Variants in ADGRB3 observed in about 807,000 individuals in gnomAD.
ADGRB3 encodes the protein brain-specific angiogenesis inhibitor 3.
ADGRB3 carries 37 observed loss-of-function variants against 193.4 expected under a neutral mutation model. That is an observed-to-expected ratio of 0.19 (90% CI 0.15 to 0.25). The LOEUF is 0.25. ADGRB3 is among the 10% of genes least tolerant of loss of function. The probability of loss-of-function intolerance (pLI) is 1.00; values close to 1 mark genes in which losing one functional copy is unlikely to be tolerated. For missense variants in ADGRB3, 1,637 were observed against 1,852.9 expected (o/e 0.88, Z 2.14); for synonymous variants, 690 against 644.2 (o/e 1.07, Z -1.08).
chr6:69,110,546 G>T (rs980725875), intron 17 of ADGRB3, among the ~76,000 whole-genome samples: 1 of 152,166 alleles, frequency 6.6e-6, no homozygotes, highest in Non-Finnish European at 1.5e-5. Context: ...AATTTATTTG[G>T]ATAATGAGTA....
chr6:69,237,666 A>G (rs1264923948), intron 19 of ADGRB3, among the ~76,000 whole-genome samples: 1 of 152,000 alleles, frequency 6.6e-6, no homozygotes, highest in East Asian at 1.9e-4. Flanking sequence ...ATTTTTGTCT[A>G]TTTACAGAAC....
intron 11 of ADGRB3, among the ~76,000 whole-genome samples, chr6:69,012,496 T>C (rs1305506738): frequency 6.6e-6 from 1 of 152,046 alleles, no homozygotes; most frequent in African/African-American, 2.4e-5. Context: ...GAGTTAGAGC[T>C]CAATGGACTA....
chr6:69,351,091 G>A (rs1322264977), intron 26 of ADGRB3, among the ~76,000 whole-genome samples: 1 of 124,960 alleles, frequency 8.0e-6, no homozygotes, highest in Non-Finnish European at 1.6e-5. Flanking sequence ...AGATTCCCTA[G>A]ATACTTTTTT....
intron 3 of ADGRB3, among the ~76,000 whole-genome samples, chr6:68,643,706 G>A (rs1220995490): frequency 6.6e-6 from 1 of 151,498 alleles, no homozygotes; most frequent in African/African-American, 2.4e-5. Context: ...GGCCGAAGCG[G>A]GTGGACCATG....
At chr6:69,184,980 G>A (rs751176272) in intron 17 of ADGRB3, among the ~76,000 whole-genome samples, 6 of 152,048 alleles carry the variant, frequency 3.9e-5, no homozygotes, top group Non-Finnish European at 7.4e-5. Flanking sequence ...AGCACAAGAG[G>A]CCATCCGTGC....
intron 3 of ADGRB3, among the ~76,000 whole-genome samples, chr6:68,883,518 A>T (rs868834652): frequency 2.0e-5 from 3 of 152,322 alleles, no homozygotes; most frequent in South Asian, 4.1e-4. Flanking sequence ...ATGAGCTGTA[A>T]CACTCACCAC....
intron 11 of ADGRB3, among the ~76,000 whole-genome samples, chr6:69,012,806 C>A (rs1186629323): frequency 2.0e-5 from 3 of 152,016 alleles, no homozygotes; most frequent in Non-Finnish European, 4.4e-5. Flanking sequence ...TTTAATAGCA[C>A]CCAGGTGAGC....
chr6:69,000,229 G>A (rs7761270), intron 11 of ADGRB3, among the ~76,000 whole-genome samples: 17,492 of 152,188 alleles, frequency 0.11, 1,269 homozygotes, highest in African/African-American at 0.21. Context: ...TCAATTCATT[G>A]TTTGTGATAG....
chr6:68,904,138 G>A (rs963352699), intron 3 of ADGRB3, among the ~76,000 whole-genome samples: 2 of 134,358 alleles, frequency 1.5e-5, no homozygotes, highest in South Asian at 4.8e-4. Flanking sequence ...AGGAAGGAAG[G>A]AAGGGTGAAA....
At chr6:68,893,594 AAAG>A (rs1766139843) in intron 3 of ADGRB3, among the ~76,000 whole-genome samples, 1 of 151,874 alleles carries the variant, frequency 6.6e-6, no homozygotes, top group African/African-American at 2.4e-5. Context: ...TAAAAAGAAA[AAAG>A]AAACAAAGAG....
At chr6:68,816,568 C>T (rs1767634851) in intron 3 of ADGRB3, among the ~76,000 whole-genome samples, 1 of 151,988 alleles carries the variant, frequency 6.6e-6, no homozygotes, top group Middle Eastern at 3.4e-3. Context: ...CTTTGGCTCC[C>T]AAGCTACCTT....
chr6:69,057,366 C>T (rs1047699219), intron 15 of ADGRB3, among the ~76,000 whole-genome samples: 14 of 151,866 alleles, frequency 9.2e-5, no homozygotes, highest in Non-Finnish European at 1.5e-4. Flanking sequence ...GTAATTTTAC[C>T]TCTTCCTTTC....
chr6:68,641,039 G>A (rs1768072405), intron 3 of ADGRB3, among the ~76,000 whole-genome samples: 1 of 152,148 alleles, frequency 6.6e-6, no homozygotes, highest in African/African-American at 2.4e-5. Flanking sequence ...AAACTAATTA[G>A]TGTCCCCTAG....
intron 3 of ADGRB3, among the ~76,000 whole-genome samples, chr6:68,718,847 T>C (rs1562004642): frequency 6.6e-6 from 1 of 151,766 alleles, no homozygotes; most frequent in Non-Finnish European, 1.5e-5. Flanking sequence ...TTGTAAATAG[T>C]GTCTTATGGG....
intron 3 of ADGRB3, among the ~76,000 whole-genome samples, chr6:68,843,311 A>G (rs754161360): frequency 7.2e-5 from 11 of 152,042 alleles, no homozygotes; most frequent in South Asian, 2.1e-4. Context: ...TAGAGATAAT[A>G]AACAAATTTA....
Position 68,861,431 on chromosome 6 carries a change from G to A in ADGRB3, c.758-69128G>A, listed in dbSNP as rs565271484. Among the ~76,000 whole-genome samples the A allele has an allele frequency of 2.4e-4, 36 of 152,112 alleles. No homozygotes were observed. The South Asian group carries it at 3.7e-3, about 16-fold the overall frequency. The stretch of plus-strand genomic sequence containing the variant: ...AAAAAAATTAGCCGGGCGTGGTGGC[G>A]GGCACCTGTAGTCCCAGCTGCTCGG... On this transcript the variant is annotated intron_variant, in intron 3 of 31. Coordinates refer to ENST00000370598, the MANE Select transcript of ADGRB3 (RefSeq NM_001704.3).
At chr6:69,216,189 G>T (rs548194253) in intron 17 of ADGRB3, among the ~76,000 whole-genome samples, 1 of 152,226 alleles carries the variant, frequency 6.6e-6, no homozygotes, top group East Asian at 1.9e-4. Flanking sequence ...GTGGATGGAT[G>T]GATGAAAAGC....
intron 3 of ADGRB3, among the ~76,000 whole-genome samples, chr6:68,893,645 C>A (rs1022831157): frequency 6.6e-6 from 1 of 151,422 alleles, no homozygotes; most frequent in East Asian, 1.9e-4. Flanking sequence ...AAGGAACACA[C>A]TATAAGTATT....
chr6:69,260,297 C>T lies in ADGRB3; in HGVS notation c.2814+21071C>T, dbSNP rs151318692. On this transcript the variant is annotated intron_variant, in intron 20 of 31. Coordinates refer to ENST00000370598, the MANE Select transcript of ADGRB3 (RefSeq NM_001704.3). ...AACCTATATACTTTCATACATTTCA[C>T]CAGGTTATAGGGTCCTACCTTCCAG... Among the ~76,000 whole-genome samples, 709 of 152,142 alleles carry T rather than the reference C, an allele frequency of 4.7e-3. 5 individuals carry two copies. Among genetic ancestry groups the T allele is most frequent in the African/African-American group, 0.016 (676 of 41,502 alleles).
Sources: allele counts gnomAD v4.1 joint callset (sites outside exome capture counted in the v4.1 genomes callset), GRCh38; gene constraint gnomAD v4.1.1; transcripts MANE v1.5; gene names NCBI Gene and HGNC (gene_info 2026-07-23, HGNC 2026-07-21).